Variants in PALLD observed in about 807,000 individuals in gnomAD.
PALLD encodes palladin, cytoskeletal associated protein.
PALLD carries 61 observed loss-of-function variants against 123.5 expected under a neutral mutation model. The ratio of observed to expected loss-of-function variants is 0.49; its 90% confidence interval spans 0.40 to 0.61. The LOEUF (loss-of-function observed/expected upper bound fraction) is 0.61, where lower values mean the gene tolerates loss of function less well. PALLD is among the 20% of genes least tolerant of loss of function. PALLD has a pLI of 0.00. For missense variants in PALLD, 1,273 were observed against 1,377.0 expected (o/e 0.92, Z 1.20); for synonymous variants, 465 against 496.4 (o/e 0.94, Z 0.84).
chr4:168,531,861 T>C (rs1320598026), intron 2 of PALLD, among the ~76,000 whole-genome samples: 1 of 152,236 alleles, frequency 6.6e-6, no homozygotes, highest in African/African-American at 2.4e-5. Context: ...GCTGGAGTTT[T>C]ACAGGGGAAG....
chr4:168,679,455 TGA>T (rs1781313152), intron 3 of PALLD, among the ~76,000 whole-genome samples: 1 of 84,064 alleles, frequency 1.2e-5, no homozygotes, highest in African/African-American at 5.4e-5. Flanking sequence ...TGTGGTGGGG[TGA>T]GTATGGACGT....
At chr4:168,641,309 G>C (rs1460045647) in intron 2 of PALLD, among the ~76,000 whole-genome samples, 1 of 151,894 alleles carries the variant, frequency 6.6e-6, no homozygotes, top group Admixed American at 6.6e-5. Flanking sequence ...AATAAGCACC[G>C]TAGAGGGTTT....
intron 2 of PALLD, among the ~76,000 whole-genome samples, chr4:168,624,792 G>A (rs1038447651): frequency 1.3e-5 from 2 of 152,078 alleles, no homozygotes; most frequent in African/African-American, 2.4e-5. Context: ...GATGTAATGA[G>A]AGAAAAGACC....
chr4:168,884,953 C>T (rs1306061815), intron 10 of PALLD, among the ~76,000 whole-genome samples: 1 of 152,150 alleles, frequency 6.6e-6, no homozygotes, highest in Non-Finnish European at 1.5e-5. Context: ...CTGTTAATAC[C>T]CACATTTTAC....
intron 10 of PALLD, among the ~76,000 whole-genome samples, chr4:168,720,166 G>A (rs1785851605): frequency 6.6e-6 from 1 of 152,146 alleles, no homozygotes; most frequent in Non-Finnish European, 1.5e-5. Flanking sequence ...CGATGATTTT[G>A]GCAAGAACGT....
intron 10 of PALLD, among the ~76,000 whole-genome samples, chr4:168,846,035 C>T (rs893993805): frequency 1.3e-5 from 2 of 152,138 alleles, no homozygotes; most frequent in East Asian, 3.9e-4. Flanking sequence ...TCTAGGATAC[C>T]TCTTTTTGCT....
At chr4:168,882,874 G>A (rs930336085) in intron 10 of PALLD, among the ~76,000 whole-genome samples, 6 of 152,074 alleles carry the variant, frequency 3.9e-5, no homozygotes, top group African/African-American at 1.2e-4. Context: ...AGTGGATCAC[G>A]AGGTCAGGAG....
intron 2 of PALLD, among the ~76,000 whole-genome samples, chr4:168,595,095 G>A (rs1013333694): frequency 6.6e-6 from 1 of 152,130 alleles, no homozygotes; most frequent in Non-Finnish European, 1.5e-5. Context: ...CTATGGATTA[G>A]AGAAATTGAC....
At chr4:168,827,677 G>T (rs1743601356) in intron 10 of PALLD, among the ~76,000 whole-genome samples, 1 of 152,184 alleles carries the variant, frequency 6.6e-6, no homozygotes, top group African/African-American at 2.4e-5. Flanking sequence ...AAGTACAATA[G>T]AAGAAACAGG....
At chr4:168,586,866 TA>T (rs35775985) in intron 2 of PALLD, among the ~76,000 whole-genome samples, 24,057 of 151,514 alleles carry the variant, frequency 0.16, 2,152 homozygotes, top group East Asian at 0.33. Flanking sequence ...TGAATTTCCT[TA>T]AAAAAAAATC....
chr4:168,838,301 G>A (rs1180204955), intron 10 of PALLD, among the ~76,000 whole-genome samples: 2 of 152,184 alleles, frequency 1.3e-5, no homozygotes, highest in Non-Finnish European at 2.9e-5. Context: ...TCAGCCAAGA[G>A]CACAGAGCTG....
chr4:168,785,846 G>GACATATATATATATATATATATAT (rs764117358), intron 10 of PALLD, among the ~76,000 whole-genome samples: 1 of 80,898 alleles, frequency 1.2e-5, no homozygotes, highest in African/African-American at 3.9e-5. Flanking sequence ...AAACTGTAGA[G>GACATATATATATATATATATATAT]ATATATATAT....
chr4:168,666,788 A>G (rs770429631), intron 2 of PALLD, among the ~76,000 whole-genome samples: 6 of 152,190 alleles, frequency 3.9e-5, no homozygotes, highest in Non-Finnish European at 8.8e-5. Flanking sequence ...TTAAAACACT[A>G]AAGCCACAGT....
At chr4:168,766,596 G>C (rs1016613690) in intron 10 of PALLD, among the ~76,000 whole-genome samples, 1 of 152,232 alleles carries the variant, frequency 6.6e-6, no homozygotes, top group Non-Finnish European at 1.5e-5. Context: ...GCCAAGCCAT[G>C]ATGGGCATCT....
intron 2 of PALLD, chr4:168,648,326 A>C (rs1246324457): frequency 1.3e-5 from 2 of 152,184 alleles, no homozygotes; most frequent in Non-Finnish European, 2.9e-5. Flanking sequence ...TTGCAACTTG[A>C]GAGAGAAAAA....
At chr4:168,569,951 C>T (rs1768802598) in intron 2 of PALLD, among the ~76,000 whole-genome samples, 1 of 152,138 alleles carries the variant, frequency 6.6e-6, no homozygotes, top group Non-Finnish European at 1.5e-5. Context: ...TCCTGCCAAG[C>T]AATATTGACC....
At chr4:168,754,619 T>G (rs1013513099) in intron 10 of PALLD, among the ~76,000 whole-genome samples, 3 of 152,210 alleles carry the variant, frequency 2.0e-5, no homozygotes, top group Non-Finnish European at 4.4e-5. Flanking sequence ...AAAACAATTG[T>G]GTGATTTTAG....
chr4:168,702,882 A>ATTTAT (rs201997767), intron 8 of PALLD, among the ~76,000 whole-genome samples: 13,408 of 143,310 alleles, frequency 0.094, 1,250 homozygotes, highest in East Asian at 0.29. Context: ...TATTTTATTT[A>ATTTAT]TTTATTTATT....
At chr4:168,807,670 A>G (rs1189047056) in intron 10 of PALLD, among the ~76,000 whole-genome samples, 2 of 151,760 alleles carry the variant, frequency 1.3e-5, no homozygotes, top group Non-Finnish European at 2.9e-5. Context: ...TGGCCTCCCA[A>G]AGTGCTGTGA....
Sources: gnomAD v4.1 joint callset for allele counts (sites outside exome capture counted in the v4.1 genomes callset) on GRCh38, gnomAD v4.1.1 for gene constraint, MANE v1.5 for transcripts, NCBI Gene and HGNC (gene_info 2026-07-23, HGNC 2026-07-21) for gene names.